NRG1: variants seen among roughly 807,000 people sequenced by gnomAD.
NRG1 encodes pro-neuregulin-1, membrane-bound isoform.
A neutral mutation model predicts 63.8 loss-of-function variants in NRG1; 18 were observed. The ratio of observed to expected loss-of-function variants is 0.28; its 90% CI spans 0.19 to 0.42. The LOEUF is 0.42. Among genes scored for constraint, NRG1 ranks in the 10% least tolerant of loss-of-function variants. NRG1 has a pLI of 1.00. For missense variants in NRG1, 762 were observed against 814.7 expected, an observed-to-expected ratio of 0.94 and a Z score of 0.79; for synonymous variants, 302 against 301.3, an observed-to-expected ratio of 1.00 and a Z score of -0.02.
chr8:32,476,029 A>G (rs2129491763), intron 1 of NRG1, among the ~76,000 whole-genome samples: 1 of 152,314 alleles, frequency 6.6e-6, no homozygotes, highest in East Asian at 1.9e-4. Context: ...TTAGACAGGT[A>G]GCTGCCTCTG....
chr8:31,928,515 G>A (rs1285576689), intron 1 of NRG1, among the ~76,000 whole-genome samples: 1 of 152,106 alleles, frequency 6.6e-6, no homozygotes, highest in African/African-American at 2.4e-5. Flanking sequence ...CCAAAGGGAA[G>A]GAAGTTGCTT....
At chr8:32,408,451 G>T (rs1814405978) in intron 1 of NRG1, among the ~76,000 whole-genome samples, 1 of 152,162 alleles carries the variant, frequency 6.6e-6, no homozygotes. Context: ...GCATATGGGA[G>T]CTGTTAGTTA....
intron 1 of NRG1, among the ~76,000 whole-genome samples, chr8:31,728,195 G>T (rs966346937): frequency 6.6e-6 from 1 of 152,176 alleles, no homozygotes; most frequent in African/African-American, 2.4e-5. Flanking sequence ...TGGGCATGGT[G>T]GCTCATGCCT....
intron 1 of NRG1, among the ~76,000 whole-genome samples, chr8:32,428,052 C>T (rs1033713120): frequency 1.3e-5 from 2 of 152,216 alleles, no homozygotes; most frequent in Admixed American, 1.3e-4. Flanking sequence ...CTCCACATCA[C>T]GTCCCTAAGG....
intron 1 of NRG1, among the ~76,000 whole-genome samples, chr8:32,519,682 A>C (rs892394480): frequency 2.6e-5 from 4 of 152,168 alleles, no homozygotes; most frequent in African/African-American, 9.7e-5. Flanking sequence ...AAGGTCACCC[A>C]GCGTACTCTT....
At chr8:32,728,110 T>G in intron 6 of NRG1, 32 bp downstream of exon 6, 1 of 1,610,734 alleles carries the variant, frequency 6.2e-7, no homozygotes, top group Non-Finnish European at 8.5e-7. Context: ...GTCGCTTATG[T>G]CTATAACTCC....
chr8:32,262,838 T>G (rs61503226), intron 1 of NRG1, among the ~76,000 whole-genome samples: 42,884 of 151,866 alleles, frequency 0.28, 6,135 homozygotes, highest in Non-Finnish European at 0.3. Context: ...TTAGAAAATA[T>G]GTAAATAATA....
chr8:32,119,838 C>T lies in NRG1; in HGVS notation c.38-475990C>T, dbSNP rs190160346. On this transcript the variant is annotated intron_variant, in intron 1 of 10. Coordinates refer to the NRG1 transcript ENST00000519301. ...CACCTAGCAAAAAAAAATGTGACCA[C>T]AAAAATAAACTTCTGCTGTGTTTGA... Among the ~76,000 whole-genome samples the T allele has an allele frequency of 1.4e-4, 21 of 152,128 alleles. No homozygotes were observed. In the East Asian group the frequency reaches 3.3e-3, roughly 24 times the overall value.
At chr8:31,733,617 C>T (rs1398738860) in intron 1 of NRG1, among the ~76,000 whole-genome samples, 4 of 152,138 alleles carry the variant, frequency 2.6e-5, no homozygotes, top group Non-Finnish European at 5.9e-5. Flanking sequence ...TCATCTCCCA[C>T]CCATCTCCAG....
At chr8:32,076,178 G>T (rs947065936) in intron 1 of NRG1, among the ~76,000 whole-genome samples, 1 of 152,098 alleles carries the variant, frequency 6.6e-6, no homozygotes, top group East Asian at 1.9e-4. Context: ...AGAGTGGTGT[G>T]GTTTGCTTCT....
chr8:32,410,749 T>G (rs569220375), intron 1 of NRG1, among the ~76,000 whole-genome samples: 39 of 152,158 alleles, frequency 2.6e-4, no homozygotes, highest in Non-Finnish European at 5.1e-4. Context: ...CAGAGTCTGC[T>G]TCTTAGTGGG....
chr8:32,413,375 A>G (rs1289461359), intron 1 of NRG1, among the ~76,000 whole-genome samples: 1 of 152,152 alleles, frequency 6.6e-6, no homozygotes, highest in East Asian at 1.9e-4. Context: ...GCCTGAGGAG[A>G]GATGGTAACT....
intron 1 of NRG1, among the ~76,000 whole-genome samples, chr8:32,295,382 G>A (rs767675240): frequency 1.3e-5 from 2 of 152,108 alleles, no homozygotes; most frequent in Non-Finnish European, 2.9e-5. Flanking sequence ...AAGAGATTCT[G>A]ATGAAACTGA....
chr8:32,652,986 A>G (rs1316298885), intron 5 of NRG1, among the ~76,000 whole-genome samples: 1 of 152,242 alleles, frequency 6.6e-6, no homozygotes, highest in Non-Finnish European at 1.5e-5. Flanking sequence ...AACCAGGAAT[A>G]TAACTTGTCC....
intron 1 of NRG1, among the ~76,000 whole-genome samples, chr8:32,351,370 G>A (rs1348784491): frequency 6.6e-6 from 1 of 152,142 alleles, no homozygotes; most frequent in Non-Finnish European, 1.5e-5. Flanking sequence ...AAATGTGTGT[G>A]CCATTTTATG....
At chr8:31,832,541 G>T (rs931506158) in intron 1 of NRG1, among the ~76,000 whole-genome samples, 1 of 152,174 alleles carries the variant, frequency 6.6e-6, no homozygotes, top group Non-Finnish European at 1.5e-5. Flanking sequence ...TTACAGGCAT[G>T]AGCCATCGTG....
intron 5 of NRG1, among the ~76,000 whole-genome samples, chr8:32,655,903 T>G (rs1338443528): frequency 6.6e-6 from 1 of 152,128 alleles, no homozygotes; most frequent in Non-Finnish European, 1.5e-5. Context: ...AGTTTAGATG[T>G]GGTGCAGGGG....
At chr8:32,506,777 G>A (rs550487731) in intron 1 of NRG1, among the ~76,000 whole-genome samples, 2 of 152,184 alleles carry the variant, frequency 1.3e-5, no homozygotes, top group Admixed American at 6.5e-5. Flanking sequence ...CACTTTGGGA[G>A]GCTGATGCGG....
At chr8:32,521,100 C>G (rs897289774) in intron 1 of NRG1, among the ~76,000 whole-genome samples, 8 of 152,084 alleles carry the variant, frequency 5.3e-5, no homozygotes, top group Admixed American at 3.3e-4. Flanking sequence ...TAAACTTGAT[C>G]ATAGGTATGC....
Sources: gnomAD v4.1 joint callset for allele counts (sites outside exome capture counted in the v4.1 genomes callset) on GRCh38, gnomAD v4.1.1 for gene constraint, MANE v1.5 for transcripts, NCBI Gene and HGNC (gene_info 2026-07-23, HGNC 2026-07-21) for gene names.